ADAMTS3: variants seen among roughly 807,000 people sequenced by gnomAD.
The protein encoded by ADAMTS3 is ADAM metallopeptidase with thrombospondin type 1 motif 3.
A neutral mutation model predicts 129.0 loss-of-function variants in ADAMTS3; 73 were observed. The observed-to-expected ratio is 0.57, with a 90% confidence interval of 0.47 to 0.69. ADAMTS3 has a LOEUF of 0.69. Among genes scored for constraint, ADAMTS3 ranks in the 30% least tolerant of loss-of-function variants. The pLI, the probability that ADAMTS3 is intolerant of heterozygous loss-of-function variation, is 0.00. For missense variants in ADAMTS3, 1,457 were observed against 1,514.5 expected (o/e 0.96, Z 0.63); for synonymous variants, 477 against 510.8 (o/e 0.93, Z 0.89).
At chr4:72,470,048 AATT>A (rs1201693409) in intron 3 of ADAMTS3, among the ~76,000 whole-genome samples, 4 of 152,110 alleles carry the variant, frequency 2.6e-5, no homozygotes, top group African/African-American at 9.7e-5. Context: ...ATCAAGGATC[AATT>A]GTATTGTCCC....
At chr4:72,488,537 T>G (rs1266958520) in intron 3 of ADAMTS3, among the ~76,000 whole-genome samples, 1 of 151,930 alleles carries the variant, frequency 6.6e-6, no homozygotes, top group Non-Finnish European at 1.5e-5. Flanking sequence ...ACTTCTAACC[T>G]AATCCAACCT....
At chr4:72,283,816 C>G in intron 21 of ADAMTS3, 112 bp from the exon 22 acceptor site, 4 of 846,778 alleles carry the variant, frequency 4.7e-6, no homozygotes, top group Non-Finnish European at 7.0e-6. Flanking sequence ...CAATCTGACA[C>G]TAACGGGAGT....
rs1356845373 is a variant in ADAMTS3 at position 72,392,259 on chromosome 4, T to C, written c.661+22556A>G. 3.9e-5 allele frequency among the ~76,000 whole-genome samples: 6 copies of C among 152,150 alleles called. No individual in the cohort carries two copies. In the South Asian group the frequency reaches 1.2e-3, roughly 32 times the overall value. ...CACCTGAGATAGGCAGCTGTGTCTC[T>C]TAGTCTACACATTCCATCTCGAAAC... On this transcript the variant is annotated intron_variant, in intron 4 of 21. Coordinates refer to ENST00000286657, the MANE Select transcript of ADAMTS3 (RefSeq NM_014243.3).
chr4:72,526,570 A>ATGTGTG (rs56774889), intron 3 of ADAMTS3, among the ~76,000 whole-genome samples: 57,635 of 131,840 alleles, frequency 0.44, 14,012 homozygotes, highest in Admixed American at 0.57. Context: ...AATGAAATTT[A>ATGTGTG]TGTGTGTGTG....
chr4:72,516,008 T>C (rs1207887548), intron 3 of ADAMTS3, among the ~76,000 whole-genome samples: 1 of 152,216 alleles, frequency 6.6e-6, no homozygotes, highest in Non-Finnish European at 1.5e-5. Flanking sequence ...TGAATTAATT[T>C]TTGTATAAGG....
chr4:72,354,801 A>T (rs967333599), intron 4 of ADAMTS3, among the ~76,000 whole-genome samples: 13 of 151,974 alleles, frequency 8.6e-5, no homozygotes, highest in African/African-American at 3.1e-4. Flanking sequence ...GTCATTGCCA[A>T]ATTCTGATAA....
intron 3 of ADAMTS3, among the ~76,000 whole-genome samples, chr4:72,484,439 A>G (rs1350604274): frequency 6.6e-6 from 1 of 152,232 alleles, no homozygotes; most frequent in Non-Finnish European, 1.5e-5. Context: ...GCATACTTAA[A>G]GCAGGGTAAA....
chr4:72,499,734 G>C (rs1719963017), intron 3 of ADAMTS3, among the ~76,000 whole-genome samples: 2 of 152,044 alleles, frequency 1.3e-5, no homozygotes, highest in Non-Finnish European at 2.9e-5. Flanking sequence ...CCCAGATACT[G>C]AGCACAATGC....
intron 4 of ADAMTS3, among the ~76,000 whole-genome samples, chr4:72,403,824 G>A (rs779289969): frequency 3.3e-5 from 5 of 151,974 alleles, no homozygotes; most frequent in Admixed American, 6.6e-5. Flanking sequence ...CTACAACAAC[G>A]TCAACCACAT....
At chr4:72,541,360 C>T (rs1309916273) in intron 3 of ADAMTS3, among the ~76,000 whole-genome samples, 2 of 152,204 alleles carry the variant, frequency 1.3e-5, no homozygotes, top group East Asian at 3.8e-4. Flanking sequence ...AAGTAACTAA[C>T]TTGCTTTGAT....
Position 72,514,252 on chromosome 4 carries a change from C to CT in ADAMTS3, c.504+34225dup, listed in dbSNP as rs1267888283. Among the ~76,000 whole-genome samples, 4 of 152,254 alleles carry CT rather than the reference C, an allele frequency of 2.6e-5. No individual in the cohort carries two copies. In the East Asian group the frequency reaches 7.7e-4, roughly 29 times the overall value. ...TCTTGAACCTGCTGATACAGGATTA[C>CT]TAGGCCCATACAAGTTACAAGTACT... On this transcript the variant is annotated intron_variant, in intron 3 of 21. Transcript: ENST00000286657.
At chr4:72,455,928 T>A (rs1323978367) in intron 3 of ADAMTS3, among the ~76,000 whole-genome samples, 1 of 114,528 alleles carries the variant, frequency 8.7e-6, no homozygotes, top group Non-Finnish European at 1.7e-5. Context: ...ACTATATATA[T>A]TTTATATATA....
chr4:72,368,832 T>A (rs1323733148), intron 4 of ADAMTS3, among the ~76,000 whole-genome samples: 2 of 152,202 alleles, frequency 1.3e-5, no homozygotes, highest in Non-Finnish European at 2.9e-5. Context: ...GTACTACATA[T>A]GATATAGAGT....
intron 12 of ADAMTS3, 76 bp from the exon 13 acceptor site, chr4:72,312,542 G>A: frequency 6.8e-7 from 1 of 1,462,448 alleles, no homozygotes; most frequent in Non-Finnish European, 9.3e-7. Context: ...CAGTGCTTGA[G>A]GGCACAAAGC....
Position 72,290,891 on chromosome 4 carries a change from G to A in ADAMTS3, c.2895C>T (p.Pro965=), listed in dbSNP as rs747016598. The change falls in exon 20 of 22, where the codon CCC becomes CCT. Residue 965 remains proline, a synonymous_variant. Transcript: ENST00000286657. ...GTCCTGTTTTCCACTGTGCAGGGCA[G>A]GGCACTCTGTTACAGGGCCGGCGGC... ...PESRRPCNRV[P]CPAQWKTGPW... The A allele has an allele frequency of 1.2e-5, 20 of 1,613,982 alleles. No homozygotes were observed. Among genetic ancestry groups the A allele is most frequent in the Non-Finnish European group, 1.5e-5 (18 of 1,179,954 alleles).
chr4:72,358,240 T>C (rs2109851890), intron 4 of ADAMTS3, among the ~76,000 whole-genome samples: 1 of 152,102 alleles, frequency 6.6e-6, no homozygotes, highest in South Asian at 2.1e-4. Flanking sequence ...TGCTGGACAC[T>C]GCTTTAGTGT....
intron 3 of ADAMTS3, among the ~76,000 whole-genome samples, chr4:72,417,558 A>G (rs537182376): frequency 6.6e-6 from 1 of 152,302 alleles, no homozygotes; most frequent in South Asian, 2.1e-4. Flanking sequence ...GGATCAAGTG[A>G]CATCCATTAA....
At position 72,568,774 on chromosome 4, in the gene ADAMTS3, T is replaced by A; in HGVS notation, c.-12A>T. 6.2e-7 allele frequency: 1 copy of A among 1,612,430 alleles called. No homozygotes were observed. Among genetic ancestry groups the A allele is most frequent in the South Asian group, 1.1e-5 (1 of 90,980 alleles). On this transcript the variant is annotated 5_prime_UTR_variant, in exon 1 of 22. Coordinates refer to ENST00000286657, the MANE Select transcript of ADAMTS3 (RefSeq NM_014243.3). ...GACAGGAGAACCATCACGAGTCGAG[T>A]TCACTTTCCAACTACTGGGCAAAGC...
chr4:72,528,539 A>C (rs1720874933), intron 3 of ADAMTS3, among the ~76,000 whole-genome samples: 1 of 148,360 alleles, frequency 6.7e-6, no homozygotes, highest in Non-Finnish European at 1.5e-5. Flanking sequence ...AAAAAAAAAA[A>C]CAGATGCTGC....
Sources: allele counts gnomAD v4.1 joint callset (sites outside exome capture counted in the v4.1 genomes callset), GRCh38; gene constraint gnomAD v4.1.1; transcripts MANE v1.5; gene names NCBI Gene and HGNC (gene_info 2026-07-23, HGNC 2026-07-21).